RELL1: variants seen among roughly 807,000 people sequenced by gnomAD.
The protein encoded by RELL1 is RELT like 1.
Under a neutral mutation model 23.0 loss-of-function variants are expected in RELL1, and 10 were observed. That is an observed-to-expected ratio of 0.43 (90% CI 0.27 to 0.74). RELL1 has a LOEUF of 0.74. Among genes scored for constraint, RELL1 ranks in the 30% least tolerant of loss-of-function variants. RELL1 has a pLI of 0.19. For synonymous variants in RELL1, 146 were observed against 146.8 expected (o/e 0.99, Z 0.04); for missense variants, 315 against 364.4 (o/e 0.86, Z 1.10).
Position 37,612,636 on chromosome 4 carries a change from C to CAGAAAAAAAAAAAAAA in RELL1, c.*709_*710insTTTTTTTTTTTTTTCT, listed in dbSNP as rs1719442652. Among the ~76,000 whole-genome samples, 1 of 60,142 alleles carries CAGAAAAAAAAAAAAAA rather than the reference C, an allele frequency of 1.7e-5. No homozygotes were observed. The highest frequency in any genetic ancestry group is 5.6e-5 in the African/African-American group (1 of 17,960). The allele number at this position is 60,142 out of a possible 152,430, so 39.5% of individuals were successfully genotyped here. ...TAGGGGACACAGCGAGACTCTGCCT[C>CAGAAAAAAAAAAAAAA]AAAAAAAAAAAAAAAAAAACCTTCT... On this transcript the variant is annotated 3_prime_UTR_variant, in exon 7 of 7. Transcript: ENST00000454158.
intron 3 of RELL1, among the ~76,000 whole-genome samples, chr4:37,639,741 T>A (rs1280839160): frequency 6.6e-6 from 1 of 152,250 alleles, no homozygotes; most frequent in African/African-American, 2.4e-5. Context: ...ACTGTTCTCA[T>A]GACTAACCAC....
intron 4 of RELL1, among the ~76,000 whole-genome samples, chr4:37,637,671 C>T (rs994434716): frequency 6.6e-6 from 1 of 152,232 alleles, no homozygotes; most frequent in African/African-American, 2.4e-5. Context: ...TGTGTTCCTC[C>T]ATGGCAAGGG....
chr4:37,670,579 T>TC lies in RELL1; in HGVS notation c.88+15620_88+15621insG, dbSNP rs568350230. Among the ~76,000 whole-genome samples, 1,418 of 152,122 alleles carry TC rather than the reference T, an allele frequency of 9.3e-3. 16 individuals are homozygous for TC. The highest frequency in any genetic ancestry group is 0.015 in the Non-Finnish European group (1,018 of 67,972). On this transcript the variant is annotated intron_variant, in intron 1 of 6. Transcript: ENST00000454158. The stretch of plus-strand genomic sequence containing the variant: ...TTTTTTTCTTTCCCACTAAATCTTT[T>TC]TTTTTTTTTGAGATGGAGTCTCACT...
intron 6 of RELL1, among the ~76,000 whole-genome samples, chr4:37,604,799 A>ACT (rs1719113996): frequency 6.2e-5 from 1 of 16,184 alleles, no homozygotes; most frequent in African/African-American, 1.2e-4. Flanking sequence ...ACACACACAG[A>ACT]CACACACACA....
chr4:37,657,721 T>C (rs1721175371), intron 1 of RELL1, among the ~76,000 whole-genome samples: 1 of 152,048 alleles, frequency 6.6e-6, no homozygotes, highest in Admixed American at 6.6e-5. Context: ...ATTACACATT[T>C]TGTGAAACCT....
At position 37,649,612 on chromosome 4, in the gene RELL1, C is replaced by T; in HGVS notation, c.89-112G>A. ...CAGGGTCTGCTCCCGAAACCACAGGCCATGCAGACTGGTGGGTCCAGCTGC... is the reference window on the plus strand; with the variant it reads ...CAGGGTCTGCTCCCGAAACCACAGGTCATGCAGACTGGTGGGTCCAGCTGC... On this transcript the variant is annotated intron_variant, in intron 1 of 6. Coordinates refer to ENST00000454158, the MANE Select transcript of RELL1 (RefSeq NM_001085400.2). The T allele has an allele frequency of 5.5e-6, 5 of 906,842 alleles. No homozygotes were observed. In the South Asian group the frequency reaches 8.0e-5, roughly 14 times the overall value. 56.2% of individuals were successfully genotyped at this position (906,842 alleles called of 1,614,324 possible).
At chr4:37,673,197 T>TTTTTTTG (rs1721901512) in intron 1 of RELL1, among the ~76,000 whole-genome samples, 1 of 116,372 alleles carries the variant, frequency 8.6e-6, no homozygotes, top group Non-Finnish European at 1.8e-5. Flanking sequence ...TTTTTTTTTT[T>TTTTTTTG]TTTTTTTTTT....
chr4:37,599,929 T>C (rs1718971486), intron 6 of RELL1, among the ~76,000 whole-genome samples: 1 of 152,096 alleles, frequency 6.6e-6, no homozygotes. Context: ...TTAAATGAGA[T>C]AAAAAGTGCT....
intron 6 of RELL1, among the ~76,000 whole-genome samples, chr4:37,601,063 CT>C (rs1719003156): frequency 6.6e-6 from 1 of 152,162 alleles, no homozygotes; most frequent in African/African-American, 2.4e-5. Flanking sequence ...TGCTCCTTAG[CT>C]GGTAGATCTG....
chr4:37,678,452 G>T (rs967724445), intron 1 of RELL1, among the ~76,000 whole-genome samples: 8 of 152,146 alleles, frequency 5.3e-5, no homozygotes, highest in African/African-American at 1.9e-4. Flanking sequence ...CAAATCCCCT[G>T]CCTCCCAAGA....
chr4:37,629,352 C>T (rs1408759123), intron 6 of RELL1, among the ~76,000 whole-genome samples: 1 of 152,200 alleles, frequency 6.6e-6, no homozygotes, highest in Admixed American at 6.5e-5. Flanking sequence ...ATGTAACTCA[C>T]CTTTCCCATT....
intron 1 of RELL1, among the ~76,000 whole-genome samples, chr4:37,656,643 T>A (rs1380559736): frequency 1.3e-5 from 2 of 152,228 alleles, no homozygotes; most frequent in Non-Finnish European, 2.9e-5. Context: ...AAGAAGTGCT[T>A]GGGTCTTGGG....
intron 1 of RELL1, among the ~76,000 whole-genome samples, chr4:37,667,713 C>T (rs1358222394): frequency 6.6e-6 from 1 of 150,614 alleles, no homozygotes; most frequent in African/African-American, 2.5e-5. Flanking sequence ...TTAAAAGTTA[C>T]GTTCTTTCCA....
rs67692676 is a variant in RELL1, at chr4:37,612,339, CAAA to C, written c.*1004_*1006del. Among the ~76,000 whole-genome samples, 429 of 85,306 alleles carry C rather than the reference CAAA, an allele frequency of 5.0e-3. 7 individuals carry two copies. Among genetic ancestry groups the C allele is most frequent in the East Asian group, 0.043 (132 of 3,050 alleles). The allele number at this position is 85,306 out of a possible 152,430, so 56.0% of individuals were successfully genotyped here. On this transcript the variant is annotated 3_prime_UTR_variant, in exon 7 of 7. Coordinates refer to ENST00000454158, the MANE Select transcript of RELL1 (RefSeq NM_001085400.2). ...CTAAAGGTTAAAAAAAAAAAAAAAA[CAAA>C]AAAAAACAAAAAACCGGGTGCAGTG...
Position 37,613,036 on chromosome 4 carries a change from T to C in RELL1, c.*310A>G, listed in dbSNP as rs898839693. 4.6e-5 allele frequency: 7 copies of C among 152,192 alleles called. No homozygotes were observed. The highest frequency in any genetic ancestry group is 1.7e-4 in the African/African-American group (7 of 41,424). The allele number at this position is 152,192 out of a possible 1,614,324, so 9.4% of individuals were successfully genotyped here. A position where few individuals can be genotyped will look rare whatever the true frequency, so the allele number is the denominator to read the frequency against. On this transcript the variant is annotated 3_prime_UTR_variant, in exon 7 of 7. Transcript: ENST00000454158. ...CACATACTCATCATAATGGAAAAAC[T>C]ACAGTGTGTACACCAAGGCCTGGGA...
intron 6 of RELL1, among the ~76,000 whole-genome samples, chr4:37,620,196 TC>T (rs1172435446): frequency 1.3e-5 from 2 of 152,234 alleles, no homozygotes; most frequent in Non-Finnish European, 2.9e-5. Context: ...AAATGTATAT[TC>T]CTGCAAATTA....
chr4:37,598,830 G>A (rs1316829646), intron 6 of RELL1, among the ~76,000 whole-genome samples: 4 of 151,998 alleles, frequency 2.6e-5, no homozygotes, highest in African/African-American at 4.8e-5. Flanking sequence ...GATTACAAGC[G>A]TGCACCACCA....
At chr4:37,663,489 A>G (rs1721423569) in intron 1 of RELL1, among the ~76,000 whole-genome samples, 1 of 152,280 alleles carries the variant, frequency 6.6e-6, no homozygotes, top group Non-Finnish European at 1.5e-5. Context: ...GTGGTACGTC[A>G]TAAAGAATGA....
At chr4:37,586,404 C>A (rs1416250719), downstream of RELL1, among the ~76,000 whole-genome samples, 1 of 152,100 alleles carries the variant, frequency 6.6e-6, no homozygotes, top group African/African-American at 2.4e-5. Flanking sequence ...GTCCTAAGTG[C>A]TGAGAATTAG....
Sources: allele counts gnomAD v4.1 joint callset (sites outside exome capture counted in the v4.1 genomes callset), GRCh38; gene constraint gnomAD v4.1.1; transcripts MANE v1.5; gene names NCBI Gene and HGNC (gene_info 2026-07-23, HGNC 2026-07-21).